PTPDC1: variants seen among roughly 807,000 people sequenced by gnomAD.
The protein encoded by PTPDC1 is protein tyrosine phosphatase domain containing 1.
In PTPDC1, 53 loss-of-function variants were observed where a neutral mutation model predicts 75.3. The ratio of observed to expected loss-of-function variants is 0.70; its 90% CI spans 0.56 to 0.88. The LOEUF (loss-of-function observed/expected upper bound fraction) is 0.88. Ranked by LOEUF, PTPDC1 falls within the 40% of genes least tolerant of loss-of-function variation. The probability of loss-of-function intolerance (pLI) is 0.00; values close to 1 mark genes in which losing one functional copy is unlikely to be tolerated. For missense variants in PTPDC1, 925 were observed against 998.6 expected (o/e 0.93, Z 0.99); for synonymous variants, 349 against 366.2 (o/e 0.95, Z 0.54).
At chr9:94,074,557 C>G (rs1482176904) in intron 2 of PTPDC1, among the ~76,000 whole-genome samples, 2 of 152,064 alleles carry the variant, frequency 1.3e-5, no homozygotes, top group African/African-American at 4.8e-5. Flanking sequence ...TAATGCCAAG[C>G]CTCCCACTCC....
At chr9:94,046,125 T>C (rs1458886928) in intron 1 of PTPDC1, among the ~76,000 whole-genome samples, 2 of 152,246 alleles carry the variant, frequency 1.3e-5, no homozygotes, top group South Asian at 4.1e-4. Context: ...TGCTTGTTTT[T>C]GTCAGGTTTG....
intron 1 of PTPDC1, among the ~76,000 whole-genome samples, chr9:94,041,783 C>T (rs1225892586): frequency 2.0e-5 from 3 of 152,104 alleles, no homozygotes; most frequent in Non-Finnish European, 4.4e-5. Flanking sequence ...CTTGTATATT[C>T]CCTGCTCTAG....
upstream of PTPDC1, among the ~76,000 whole-genome samples, chr9:94,080,873 T>A (rs1304655362): frequency 6.6e-6 from 1 of 152,206 alleles, no homozygotes; most frequent in Non-Finnish European, 1.5e-5. Context: ...TGATTTGGGG[T>A]AATTTTCAAG....
chr9:94,091,776 A>G (rs557379709), intron 4 of PTPDC1, among the ~76,000 whole-genome samples: 35 of 152,280 alleles, frequency 2.3e-4, no homozygotes, highest in African/African-American at 6.7e-4. Flanking sequence ...TTATTGGTCT[A>G]TTCAGAGATT....
intron 4 of PTPDC1, among the ~76,000 whole-genome samples, chr9:94,094,724 G>GCGAGACTC (rs1443167228): frequency 6.6e-6 from 1 of 152,232 alleles, no homozygotes; most frequent in East Asian, 1.9e-4. Context: ...CTAACAATCA[G>GCGAGACTC]CGAGACTCCG....
intron 1 of PTPDC1, among the ~76,000 whole-genome samples, chr9:94,032,854 T>C (rs1231134354): frequency 6.6e-6 from 1 of 151,846 alleles, no homozygotes; most frequent in African/African-American, 2.4e-5. Flanking sequence ...TCTTTTTCTC[T>C]ATTTATTTAT....
In PTPDC1 at chr9:94,057,558, G is replaced by A. The variant is rs903382310; in HGVS notation, c.-6-7176G>A. Among the ~76,000 whole-genome samples the A allele has an allele frequency of 2.6e-5, 4 of 152,192 alleles. No homozygotes were observed. In the East Asian group the frequency reaches 7.7e-4, roughly 29 times the overall value. Reference sequence around the variant, plus strand: ...TATTTATTGAATACTTAAAAGCCAGGTGTTGTGGTAGGAACACACACACAC... The same window carrying A: ...TATTTATTGAATACTTAAAAGCCAGATGTTGTGGTAGGAACACACACACAC... On this transcript the variant is annotated intron_variant, in intron 1 of 9. Coordinates refer to the PTPDC1 transcript ENST00000375360.
chr9:94,033,977 T>C (rs765208818), intron 1 of PTPDC1, among the ~76,000 whole-genome samples: 35 of 152,162 alleles, frequency 2.3e-4, no homozygotes, highest in Non-Finnish European at 4.8e-4. Context: ...GGCAGTATAG[T>C]AGATGTAGAC....
intron 2 of PTPDC1, among the ~76,000 whole-genome samples, chr9:94,072,707 T>C (rs1395787921): frequency 6.6e-6 from 1 of 152,232 alleles, no homozygotes; most frequent in Non-Finnish European, 1.5e-5. Flanking sequence ...TATTCTTAAC[T>C]TGCTGAGAGT....
intron 2 of PTPDC1, among the ~76,000 whole-genome samples, chr9:94,072,595 C>G (rs1351381121): frequency 1.3e-5 from 2 of 152,082 alleles, no homozygotes; most frequent in East Asian, 3.9e-4. Context: ...AGAGCAGAGT[C>G]TTTGCCTTCT....
At chr9:94,100,133 A>G (rs918410934) in intron 6 of PTPDC1, 1 of 152,244 alleles carries the variant, frequency 6.6e-6, no homozygotes, top group Non-Finnish European at 1.5e-5. Context: ...GTCTTTGTTA[A>G]TCTTGTGAAT....
chr9:94,104,132 TTTAGATATTTTG>T, intron 7 of PTPDC1, 131 bp from the exon 8 acceptor site: 1 of 549,736 alleles, frequency 1.8e-6, no homozygotes, highest in Non-Finnish European at 3.3e-6. Context: ...TTTGTTGATG[TTTAGATATTTTG>T]TTAGATATTT....
At chr9:94,033,975 A>G (rs925666055) in intron 1 of PTPDC1, among the ~76,000 whole-genome samples, 3 of 152,236 alleles carry the variant, frequency 2.0e-5, no homozygotes, top group Non-Finnish European at 4.4e-5. Flanking sequence ...CAGGCAGTAT[A>G]GTAGATGTAG....
At chr9:94,039,439 A>T (rs1825367126) in intron 1 of PTPDC1, among the ~76,000 whole-genome samples, 1 of 152,194 alleles carries the variant, frequency 6.6e-6, no homozygotes, top group African/African-American at 2.4e-5. Flanking sequence ...AGCTATAGTC[A>T]TTTGAAAATT....
intron 2 of PTPDC1, among the ~76,000 whole-genome samples, chr9:94,066,130 C>T (rs542100576): frequency 6.6e-6 from 1 of 152,270 alleles, no homozygotes; most frequent in African/African-American, 2.4e-5. Context: ...CCAGTAGCAT[C>T]CCCAGGTTCC....
rs1827557971 is a variant in PTPDC1 at position 94,096,155 on chromosome 9, G to A, written c.754+701G>A. The stretch of plus-strand genomic sequence containing the variant: ...GGGCAAAAATGAAGGCCGTAGGGCT[G>A]AAATTTTCATTGTCATCTGATCCAA... On this transcript the variant is annotated intron_variant, in intron 5 of 8. Transcript: ENST00000620992. Among the ~76,000 whole-genome samples the A allele has an allele frequency of 2.6e-5, 4 of 152,230 alleles. No individual in the cohort carries two copies. In the South Asian group the frequency reaches 8.3e-4, roughly 32 times the overall value.
At chr9:94,091,719 C>G (rs1163043087) in intron 4 of PTPDC1, among the ~76,000 whole-genome samples, 7 of 152,092 alleles carry the variant, frequency 4.6e-5, no homozygotes, top group African/African-American at 1.7e-4. Flanking sequence ...GTCCTGTACT[C>G]TTTTTGGTTG....
chr9:94,092,732 G>A (rs1827375214), intron 4 of PTPDC1, among the ~76,000 whole-genome samples: 1 of 145,824 alleles, frequency 6.9e-6, no homozygotes, highest in African/African-American at 2.6e-5. Flanking sequence ...TCTCTTTGTA[G>A]GTCACTCAGG....
At chr9:94,032,593 C>T (rs1361016430) in intron 1 of PTPDC1, among the ~76,000 whole-genome samples, 1 of 152,180 alleles carries the variant, frequency 6.6e-6, no homozygotes, top group East Asian at 1.9e-4. Flanking sequence ...GACAATTTTG[C>T]TTTGCTTTTT....
Sources: gnomAD v4.1 joint callset for allele counts (sites outside exome capture counted in the v4.1 genomes callset) on GRCh38, gnomAD v4.1.1 for gene constraint, MANE v1.5 for transcripts, NCBI Gene and HGNC (gene_info 2026-07-23, HGNC 2026-07-21) for gene names.